Variants in RYR3 observed in about 807,000 individuals in gnomAD.
RYR3 encodes the protein ryanodine receptor 3.
A neutral mutation model predicts 584.3 loss-of-function variants in RYR3; 207 were observed. The ratio of observed to expected loss-of-function variants is 0.35; its 90% CI spans 0.32 to 0.40. The LOEUF (loss-of-function observed/expected upper bound fraction) is 0.40. Ranked by LOEUF, RYR3 falls within the 10% of genes least tolerant of loss-of-function variation. RYR3 has a pLI of 1.00. For missense variants in RYR3, 5,616 were observed against 6,089.2 expected, an observed-to-expected ratio of 0.92 and a Z score of 2.59; for synonymous variants, 2,416 against 2,248.5, an observed-to-expected ratio of 1.07 and a Z score of -2.11.
chr15:33,864,098 C>T (rs1889533369), intron 102 of RYR3, 40 bp from the exon 103 acceptor site: 1 of 1,511,534 alleles, frequency 6.6e-7, no homozygotes, highest in Non-Finnish European at 9.1e-7. Context: ...GAACTTGGGT[C>T]TTGACCAGAG....
At chr15:33,805,008 A>G (rs1212809980) in intron 69 of RYR3, among the ~76,000 whole-genome samples, 5 of 152,232 alleles carry the variant, frequency 3.3e-5, no homozygotes, top group Non-Finnish European at 7.3e-5. Flanking sequence ...TTCAAAGATA[A>G]CGCTATTTTT....
In RYR3 at chr15:33,623,964, G is replaced by A. The variant is rs780706634; in HGVS notation, c.2515G>A (p.Gly839Ser). 2.5e-6 allele frequency: 4 copies of A among 1,613,928 alleles called. No homozygotes were observed. In the Admixed American group the frequency reaches 6.7e-5, roughly 27 times the overall value. Residue 839 changes from glycine to serine, a missense_variant, in exon 20 of 104, where the codon GGT becomes AGT. This residue lies in a region of RYR3 where 1,284 missense variants were observed against 1,344.6 expected (regional missense o/e 0.95). Coordinates refer to ENST00000634891, the MANE Select transcript of RYR3 (RefSeq NM_001036.6). ...TGCTGATGGCATTAGAGATCTCTTG[G>A]GTACCACCCAGTTCCTCTCCCAAGC... ...RDADGIRDLL[G>S]TTQFLSQASF...
intron 38 of RYR3, among the ~76,000 whole-genome samples, chr15:33,672,043 A>C (rs111654279): frequency 0.12 from 17,529 of 151,604 alleles, 1,167 homozygotes; most frequent in East Asian, 0.26. Flanking sequence ...CGAACTTTTG[A>C]CCTCAAGCAG....
intron 1 of RYR3, among the ~76,000 whole-genome samples, chr15:33,342,831 C>G (rs1971990464): frequency 1.3e-5 from 2 of 152,174 alleles, no homozygotes; most frequent in Admixed American, 1.3e-4. Flanking sequence ...CTTATTAACT[C>G]ACAGCCCAGA....
intron 1 of RYR3, among the ~76,000 whole-genome samples, chr15:33,374,282 C>T (rs910089027): frequency 3.3e-5 from 5 of 152,098 alleles, no homozygotes; most frequent in African/African-American, 1.2e-4. Context: ...GCTCTAAGCT[C>T]ATCTCTCATT....
intron 16 of RYR3, among the ~76,000 whole-genome samples, chr15:33,599,891 G>C (rs2059576538): frequency 1.3e-5 from 2 of 152,144 alleles, no homozygotes; most frequent in Admixed American, 1.3e-4. Flanking sequence ...TTTTTACAGA[G>C]CCTTTTTCTC....
chr15:33,777,001 C>G (rs994233369), intron 64 of RYR3, among the ~76,000 whole-genome samples: 5 of 152,216 alleles, frequency 3.3e-5, no homozygotes, highest in Non-Finnish European at 5.9e-5. Context: ...CGAGCCTGGG[C>G]AACCTGGCAA....
At chr15:33,780,010 CA>C (rs536842845) in intron 64 of RYR3, among the ~76,000 whole-genome samples, 200 bp from the exon 65 acceptor site, 2 of 149,626 alleles carry the variant, frequency 1.3e-5, no homozygotes, top group Non-Finnish European at 3.0e-5. Flanking sequence ...GACTCCGTCT[CA>C]AAAAAAAAGA....
intron 42 of RYR3, 79 bp downstream of exon 42, chr15:33,701,159 A>G (rs2066274739): frequency 2.3e-6 from 2 of 852,958 alleles, no homozygotes; most frequent in Non-Finnish European, 3.8e-6. Context: ...CAGACCACGG[A>G]TGGAGTCTCT....
intron 1 of RYR3, among the ~76,000 whole-genome samples, chr15:33,445,355 A>G (rs2046548017): frequency 1.3e-5 from 2 of 152,122 alleles, no homozygotes; most frequent in East Asian, 1.9e-4. Flanking sequence ...GGTTTGAACA[A>G]CTGGGCGAAT....
intron 37 of RYR3, 26 bp downstream of exon 37, chr15:33,669,482 T>C (rs756015639): frequency 6.3e-6 from 10 of 1,595,866 alleles, no homozygotes; most frequent in Non-Finnish European, 7.7e-6. Flanking sequence ...AAAGGCTTTG[T>C]CCTTTTTTTA....
intron 10 of RYR3, among the ~76,000 whole-genome samples, chr15:33,550,860 A>G (rs2056627383): frequency 1.3e-5 from 2 of 152,190 alleles, no homozygotes; most frequent in South Asian, 4.1e-4. Flanking sequence ...TATCTATATG[A>G]TAAAATTTAC....
chr15:33,534,243 G>A (rs1057042105), intron 5 of RYR3, among the ~76,000 whole-genome samples: 3 of 152,012 alleles, frequency 2.0e-5, no homozygotes. Context: ...TCTATTAAAA[G>A]TACAAAAATT....
chr15:33,683,837 G>T (rs564762469), intron 38 of RYR3, among the ~76,000 whole-genome samples: 27 of 152,278 alleles, frequency 1.8e-4, no homozygotes, highest in Non-Finnish European at 3.1e-4. Flanking sequence ...ATTCTCTCCT[G>T]TGCCTGCCTC....
chr15:33,581,655 T>C lies in RYR3; in HGVS notation c.1573+12T>C. On this transcript the variant is annotated intron_variant, in intron 14 of 103. Coordinates refer to ENST00000634891, the MANE Select transcript of RYR3 (RefSeq NM_001036.6). The stretch of plus-strand genomic sequence containing the variant: ...CTACAAATTGCTGGGTAAGTACACA[T>C]ACAGTGCCTTCTCCCTGGGATGATT... 5.0e-6 allele frequency: 8 copies of C among 1,611,202 alleles called. No individual in the cohort carries two copies. Among genetic ancestry groups the C allele is most frequent in the Non-Finnish European group, 6.8e-6 (8 of 1,177,730 alleles).
At chr15:33,717,543 C>A (rs1454436637) in intron 43 of RYR3, among the ~76,000 whole-genome samples, 1 of 152,160 alleles carries the variant, frequency 6.6e-6, no homozygotes, top group Non-Finnish European at 1.5e-5. Flanking sequence ...TGGCCACTTT[C>A]TACTCCAAGT....
chr15:33,840,938 C>A lies in RYR3; in HGVS notation c.13037+55C>A, dbSNP rs934101022. ...ATTGCTATGGTAGATAATTCTTAGG[C>A]CAGGCAGAGTGGCTCGCACCTGTAA... On this transcript the variant is annotated intron_variant, in intron 90 of 103. Transcript: ENST00000634891. 11 of 1,535,204 alleles carry A rather than the reference C, an allele frequency of 7.2e-6. No homozygotes were observed. The South Asian group carries it at 8.0e-5, about 11-fold the overall frequency.
chr15:33,739,648 T>C (rs1162965471), intron 50 of RYR3, among the ~76,000 whole-genome samples, 184 bp from the exon 51 acceptor site: 1 of 150,692 alleles, frequency 6.6e-6, no homozygotes, highest in South Asian at 2.1e-4. Flanking sequence ...TATAGTGTTA[T>C]TTCATTTTCC....
chr15:33,848,462 C>T (rs1429143739), intron 94 of RYR3, 41 bp downstream of exon 94: 24 of 1,583,860 alleles, frequency 1.5e-5, no homozygotes, highest in Non-Finnish European at 2.1e-5. Flanking sequence ...GAGATGGAGT[C>T]TCTACTGTAA....
Sources: allele counts gnomAD v4.1 joint callset (sites outside exome capture counted in the v4.1 genomes callset), GRCh38; gene constraint gnomAD v4.1.1; regional missense constraint gnomAD v4.1.1; transcripts MANE v1.5; gene names NCBI Gene and HGNC (gene_info 2026-07-23, HGNC 2026-07-21).